NFRKB: variants seen among roughly 807,000 people sequenced by gnomAD.
NFRKB encodes the protein nuclear factor related to kappa-B-binding protein.
A neutral mutation model predicts 135.7 loss-of-function variants in NFRKB; 62 were observed. The observed-to-expected ratio is 0.46, with a 90% CI of 0.37 to 0.56. NFRKB has a LOEUF of 0.56. NFRKB is among the 20% of genes least tolerant of loss of function. The probability of loss-of-function intolerance (pLI) is 0.00; values close to 1 mark genes in which losing one functional copy is unlikely to be tolerated. For missense variants in NFRKB, 1,545 were observed against 1,662.0 expected (o/e 0.93, Z 1.22); for synonymous variants, 678 against 635.6 (o/e 1.07, Z -1.00).
chr11:129,893,012 T>C, intron 2 of NFRKB, 142 bp from the exon 3 acceptor site: 1 of 1,493,326 alleles, frequency 6.7e-7, no homozygotes, highest in South Asian at 1.3e-5. Context: ...TAAACAGCTC[T>C]CCTCCCTCCC....
At chr11:129,893,059 T>C (rs1360246803) in intron 2 of NFRKB, 189 bp from the exon 3 acceptor site, 7 of 1,430,070 alleles carry the variant, frequency 4.9e-6, no homozygotes, top group Non-Finnish European at 6.4e-6. Flanking sequence ...TTTCAAGTCT[T>C]ACCTGGAAGA....
intron 15 of NFRKB, 47 bp from the exon 16 acceptor site, chr11:129,877,432 G>T: frequency 6.4e-7 from 1 of 1,562,420 alleles, no homozygotes; most frequent in Non-Finnish European, 8.8e-7. Context: ...TGGCACGTGT[G>T]TCAGACCCAT....
rs1159870228 is a variant in NFRKB at position 129,864,570 on chromosome 11, AGAATCCAGGCCAC to A, written c.*142_*154del. The A allele has an allele frequency of 3.5e-5, 35 of 1,011,322 alleles. No individual in the cohort carries two copies. The highest frequency in any genetic ancestry group is 4.8e-5 in the African/African-American group (3 of 62,176). 62.6% of individuals were successfully genotyped at this position (1,011,322 alleles called of 1,614,324 possible). ...GTGCTCCACTATGGCACGTGGCAGCAGAATCCAGGCCACGAATCCAGGCCACCGTTGCCATCAC... is the reference window on the plus strand; with the variant it reads ...GTGCTCCACTATGGCACGTGGCAGCAGAATCCAGGCCACCGTTGCCATCAC... On this transcript the variant is annotated 3_prime_UTR_variant, in exon 27 of 27. Coordinates refer to ENST00000682444, the MANE Select transcript of NFRKB (RefSeq NM_001143835.2).
At position 129,892,820 on chromosome 11, in the gene NFRKB, A is replaced by C. The variant is rs1021546902; in HGVS notation, c.30T>G (p.Asp10Glu). Residue 10 changes from aspartate (D) to glutamate (E), a missense_variant, in exon 3 of 27, where the codon GAT (aspartate) becomes GAG (glutamate). By Grantham distance (45) the Asp-to-Glu change is conservative. This residue lies in a region of NFRKB where 678 missense variants were observed against 646.7 expected (regional missense o/e 1.05). Transcript: ENST00000682444. Reference protein sequence around the residue: MDSLDHMLTDPLELGPCGDG... With the variant: MDSLDHMLTEPLELGPCGDG... Reference sequence around the variant, plus strand: ...CTCCACACGGACCAAGTTCCAGAGGATCTGTCAGCATATGGTCTAAGGAAT... The same window carrying C: ...CTCCACACGGACCAAGTTCCAGAGGCTCTGTCAGCATATGGTCTAAGGAAT... 1 of 1,614,184 alleles carries C rather than the reference A, an allele frequency of 6.2e-7. No individual in the cohort carries two copies. Among genetic ancestry groups the C allele is most frequent in the Non-Finnish European group, 8.5e-7 (1 of 1,180,036 alleles).
In NFRKB at chr11:129,888,711, G is replaced by A. The variant is rs763453431; in HGVS notation, c.220C>T (p.Leu74=). 3.1e-6 allele frequency: 5 copies of A among 1,614,204 alleles called. No homozygotes were observed. In the South Asian group the frequency reaches 5.5e-5, roughly 18 times the overall value. ...GCACTGTCTTCAGGAAACTGGGGCAGAAACTGCTGGAGGTGTTCACGTTGA... is the reference window on the plus strand; with the variant it reads ...GCACTGTCTTCAGGAAACTGGGGCAAAAACTGCTGGAGGTGTTCACGTTGA... ...DSQREHLQQF[L]PQFPEDSAEQ... is the part of the protein sequence containing the mutation. The change falls in exon 4 of 27, where the codon CTG becomes TTG. Residue 74 remains leucine (L), a synonymous_variant. Coordinates refer to ENST00000682444, the MANE Select transcript of NFRKB (RefSeq NM_001143835.2).
intron 3 of NFRKB, among the ~76,000 whole-genome samples, chr11:129,891,047 A>C (rs1949537921): frequency 6.6e-6 from 1 of 152,246 alleles, no homozygotes; most frequent in Non-Finnish European, 1.5e-5. Context: ...TTTTTGGTAG[A>C]AAATAGATCC....
chr11:129,892,617 A>G, intron 3 of NFRKB, 98 bp downstream of exon 3: 1 of 1,275,772 alleles, frequency 7.8e-7, no homozygotes, highest in Non-Finnish European at 1.1e-6. Context: ...AACAAAAGGG[A>G]GCACAAAAGA....
Position 129,870,224 on chromosome 11 carries a change from G to C in NFRKB, c.2801C>G (p.Thr934Arg), listed in dbSNP as rs757242585. Residue 934 changes from threonine (T) to arginine (R), a missense_variant, in exon 24 of 27, where the codon ACA (threonine) becomes AGA (arginine). Around this residue, in one of 3 missense-constraint regions of NFRKB, gnomAD observed 753 missense variants for 804.3 expected, o/e 0.94. Transcript: ENST00000682444. ...GGCTGTGAGTGGAATGCTGTTGCCT[G>C]TTTGGGGCTTCACACCAAGCTGCCC... ...ITGQLGVKPQ[T>R]GNSIPLTATN... 2 of 1,614,010 alleles carry C rather than the reference G, an allele frequency of 1.2e-6. No homozygotes were observed. The highest frequency in any genetic ancestry group is 2.7e-5 in the African/African-American group (2 of 74,926).
chr11:129,881,424 G>C lies in NFRKB; in HGVS notation c.1384+19C>G, dbSNP rs763662745. The C allele has an allele frequency of 3.7e-5, 60 of 1,612,222 alleles. No homozygotes were observed. In the Admixed American group the frequency reaches 9.7e-4, roughly 26 times the overall value. On this transcript the variant is annotated intron_variant, in intron 13 of 26. Coordinates refer to ENST00000682444, the MANE Select transcript of NFRKB (RefSeq NM_001143835.2). ...GGGAGAACGAAAACCTGTTGGGGTA[G>C]GTAATACGGATCACTTACCAAGCAA...
At chr11:129,894,773 AAACTTC>A (rs1306887266) in intron 1 of NFRKB, among the ~76,000 whole-genome samples, 2 of 152,226 alleles carry the variant, frequency 1.3e-5, no homozygotes, top group Non-Finnish European at 2.9e-5. Context: ...GAGTTTAACA[AAACTTC>A]AAAATAGCAC....
chr11:129,890,474 G>A (rs1949507384), intron 3 of NFRKB, among the ~76,000 whole-genome samples: 1 of 152,154 alleles, frequency 6.6e-6, no homozygotes, highest in African/African-American at 2.4e-5. Flanking sequence ...TACTGTAGCT[G>A]GGAGGGAGGA....
intron 24 of NFRKB, among the ~76,000 whole-genome samples, chr11:129,868,385 ACC>A (rs1021620607): frequency 1.3e-5 from 2 of 152,128 alleles, no homozygotes; most frequent in African/African-American, 4.8e-5. Context: ...TCAAAAAAGA[ACC>A]CCCTTTTCAC....
Position 129,876,776 on chromosome 11 carries a change from C to T in NFRKB, c.1692G>A (p.Arg564=). The T allele has an allele frequency of 1.9e-6, 3 of 1,614,094 alleles. No individual in the cohort carries two copies. Among genetic ancestry groups the T allele is most frequent in the Non-Finnish European group, 2.5e-6 (3 of 1,180,006 alleles). Residue 564 remains arginine (R), a synonymous_variant, in exon 17 of 27, where the codon CGG becomes CGA. Transcript: ENST00000682444. ...GGTCGGAGCGCAGCAGGGAGTGCTC[C>T]CGAGCCTTGTTGAGCGAGGTCTCCT... The part of the protein sequence containing the change: ...FDKETSLNKA[R]EHSLLRSDRP...
Position 129,874,999 on chromosome 11 carries a change from T to C in NFRKB, c.1855-83A>G. ...TTGAACTCTAGGAAAAAAATGTCAT[T>C]GTATCTAAATCACAGCTGATGCAGA... On this transcript the variant is annotated intron_variant, in intron 18 of 26. Coordinates refer to ENST00000682444, the MANE Select transcript of NFRKB (RefSeq NM_001143835.2). This position sits in a 1 kb window ranked among gnomAD's most constrained non-coding sequence, Gnocchi z 4.5. 1 of 1,548,086 alleles carries C rather than the reference T, an allele frequency of 6.5e-7. No individual in the cohort carries two copies. The highest frequency in any genetic ancestry group is 1.1e-5 in the South Asian group (1 of 88,398).
At chr11:129,889,543 C>A (rs1043506476) in intron 3 of NFRKB, among the ~76,000 whole-genome samples, 1 of 151,560 alleles carries the variant, frequency 6.6e-6, no homozygotes, top group African/African-American at 2.4e-5. Context: ...ATTTTCAACT[C>A]CCGAGTTATA....
Position 129,873,863 on chromosome 11 carries a change from G to A in NFRKB, c.2432C>T (p.Pro811Leu). 1 of 1,614,160 alleles carries A rather than the reference G, an allele frequency of 6.2e-7. No individual in the cohort carries two copies. Among genetic ancestry groups the A allele is most frequent in the Non-Finnish European group, 8.5e-7 (1 of 1,180,040 alleles). ...CTGCTGGGGAACAGCAGGAAGGCTA[G>A]GCTGGGCCACCACTCGCACCTGAGA... ...GLSQVRVVAQ[P>L]SLPAVPQQSG... Residue 811 changes from proline to leucine, a missense_variant, in exon 22 of 27, where the codon CCT (proline) becomes CTT (leucine). Physicochemically the swap from Pro to Leu is moderately conservative, Grantham distance 98 (BLOSUM62 -3). Around this residue, in one of 3 missense-constraint regions of NFRKB, gnomAD observed 753 missense variants for 804.3 expected, o/e 0.94. Transcript: ENST00000682444.
At chr11:129,883,696 T>C (rs1343613553) in intron 8 of NFRKB, among the ~76,000 whole-genome samples, 1 of 152,148 alleles carries the variant, frequency 6.6e-6, no homozygotes, top group East Asian at 1.9e-4. Flanking sequence ...TACCTCAACT[T>C]GGTAGCATGG....
Position 129,864,798 on chromosome 11 carries a change from C to G in NFRKB, c.3827G>C (p.Gly1276Ala). The change falls in exon 27 of 27, where the codon GGC becomes GCC. Residue 1276 changes from glycine to alanine, a missense_variant. Physicochemically the swap from Gly to Ala is moderately conservative, Grantham distance 60 (BLOSUM62 0). Transcript: ENST00000682444. ...AACAGTGGAGACTGCTTTGGAGGAG[C>G]CAGAAGCTGTTCCCTGTTGGAGATG... ...ASHLQQGTASGSSKAVSTVVV... is the reference protein window; with the variant it reads ...ASHLQQGTASASSKAVSTVVV... 6.2e-7 allele frequency: 1 copy of G among 1,614,194 alleles called. No individual in the cohort carries two copies. Among genetic ancestry groups the G allele is most frequent in the Non-Finnish European group, 8.5e-7 (1 of 1,180,040 alleles).
chr11:129,882,080 G>C lies in NFRKB; in HGVS notation c.1191+6C>G. The C allele has an allele frequency of 1.3e-6, 2 of 1,594,036 alleles. No individual in the cohort carries two copies. Among genetic ancestry groups the C allele is most frequent in the Non-Finnish European group, 1.7e-6 (2 of 1,173,172 alleles). ...AATGTACCTCCAACTTTTCCAAAACGCTTACCATAGGAAGGCTAGCCTGAC... is the reference window on the plus strand; with the variant it reads ...AATGTACCTCCAACTTTTCCAAAACCCTTACCATAGGAAGGCTAGCCTGAC... On this transcript the variant is annotated splice_donor_region_variant and intron_variant, in intron 11 of 26. Coordinates refer to ENST00000682444, the MANE Select transcript of NFRKB (RefSeq NM_001143835.2).
Sources: gnomAD v4.1 joint callset for allele counts (sites outside exome capture counted in the v4.1 genomes callset) on GRCh38, gnomAD v4.1.1 for gene constraint, gnomAD v4.1.1 regional missense constraint, Gnocchi (gnomAD v3.1) non-coding constraint, MANE v1.5 for transcripts, NCBI Gene and HGNC (gene_info 2026-07-23, HGNC 2026-07-21) for gene names.